The following ARHGAP6 variants were observed in gnomAD, a reference collection of about 807,000 sequenced individuals.
The protein encoded by ARHGAP6 is Rho GTPase activating protein 6, also known as rho GTPase-activating protein 6.
In ARHGAP6, 16 loss-of-function variants were observed where a neutral mutation model predicts 55.7. The observed-to-expected ratio is 0.29, with a 90% CI of 0.19 to 0.44. The LOEUF (loss-of-function observed/expected upper bound fraction) is 0.44. Among genes scored for constraint, ARHGAP6 ranks in the 20% least tolerant of loss-of-function variants. The pLI is 1.00. For synonymous variants in ARHGAP6, 382 were observed against 360.9 expected (o/e 1.06, Z -0.66); for missense variants, 698 against 808.9 (o/e 0.86, Z 1.66).
At chrX:11,141,908 G>A (rs2045624973) in intron 12 of ARHGAP6, among the ~76,000 whole-genome samples, 1 of 112,452 alleles carries the variant, frequency 8.9e-6, no homozygotes, top group South Asian at 3.7e-4. Context: ...GTATTGGTTT[G>A]TAAGCTATGA....
chrX:11,587,449 G>A (rs186139363), intron 1 of ARHGAP6, among the ~76,000 whole-genome samples: 1 of 111,892 alleles, frequency 8.9e-6, no homozygotes, highest in Admixed American at 9.5e-5. Context: ...ATCATCACAG[G>A]CATAGAGAGC....
At chrX:11,211,685 A>C (rs910455975) in intron 2 of ARHGAP6, among the ~76,000 whole-genome samples, 1 of 110,415 alleles carries the variant, frequency 9.1e-6, no homozygotes, top group African/African-American at 3.3e-5. Flanking sequence ...CTGGAACTAC[A>C]GGCACCCGCC....
rs2048714579 is a variant in ARHGAP6 at position 11,342,121 on chromosome X, G to A, written c.589-87414C>T. Among the ~76,000 whole-genome samples, 5 of 112,039 alleles carry A rather than the reference G, an allele frequency of 4.5e-5. No individual in the cohort carries two copies. The South Asian group carries it at 1.9e-3, about 41-fold the overall frequency. ...CTAAGTTCGCTCTGTTGCCATGCAC[G>A]CATAAGTAATGCCATAGCAACCTCT... On this transcript the variant is annotated intron_variant, in intron 1 of 12. Coordinates refer to ENST00000337414, the MANE Select transcript of ARHGAP6 (RefSeq NM_013427.3).
intron 1 of ARHGAP6, among the ~76,000 whole-genome samples, chrX:11,302,918 CT>C (rs1410049875): frequency 1.8e-5 from 2 of 112,035 alleles, no homozygotes; most frequent in Non-Finnish European, 3.8e-5. Flanking sequence ...AAAATACAGA[CT>C]TTTCTCTAAA....
In ARHGAP6 at chrX:11,525,873, C is replaced by T. The variant is rs769262157; in HGVS notation, c.588+138368G>A. 8.1e-5 allele frequency among the ~76,000 whole-genome samples: 9 copies of T among 111,144 alleles called. No homozygotes were observed. The South Asian group carries it at 3.1e-3, about 38-fold the overall frequency. On this transcript the variant is annotated intron_variant, in intron 1 of 12. Transcript: ENST00000337414. ...CATGTTGTTAGTAACCACATGGGCCCCTCCATGAAGAACTGATATTAACCA... is the reference window on the plus strand; with the variant it reads ...CATGTTGTTAGTAACCACATGGGCCTCTCCATGAAGAACTGATATTAACCA...
chrX:11,160,922 G>A (rs917730950), intron 9 of ARHGAP6, among the ~76,000 whole-genome samples: 1 of 112,264 alleles, frequency 8.9e-6, no homozygotes, highest in Non-Finnish European at 1.9e-5. Flanking sequence ...TGTATTACAG[G>A]AAGGCAAATA....
intron 1 of ARHGAP6, among the ~76,000 whole-genome samples, chrX:11,580,702 C>A (rs990954195): frequency 8.9e-6 from 1 of 112,051 alleles, no homozygotes; most frequent in Non-Finnish European, 1.9e-5. Context: ...TCTTTATTTT[C>A]AGACACTAAT....
intron 1 of ARHGAP6, chrX:11,367,741 C>T (rs1228156138): frequency 4.1e-6 from 3 of 730,912 alleles, no homozygotes; most frequent in East Asian, 3.1e-4. Context: ...TAATGAATCA[C>T]CCAGGAAGTT....
chrX:11,593,268 C>T (rs1161753998), intron 1 of ARHGAP6, among the ~76,000 whole-genome samples: 2 of 111,808 alleles, frequency 1.8e-5, no homozygotes, highest in Non-Finnish European at 3.8e-5. Flanking sequence ...AGAAATACGA[C>T]CTTTGGCTCT....
intron 8 of ARHGAP6, among the ~76,000 whole-genome samples, chrX:11,174,639 C>CTTTCTCTTTCT (rs1569241587): frequency 9.6e-5 from 6 of 62,330 alleles, no homozygotes; most frequent in African/African-American, 1.4e-4. Context: ...TTCTTTCTTT[C>CTTTCTCTTTCT]TTTCTTTCTT....
chrX:11,335,528 A>G (rs1292631368), intron 1 of ARHGAP6, among the ~76,000 whole-genome samples: 1 of 111,766 alleles, frequency 8.9e-6, no homozygotes, highest in East Asian at 2.8e-4. Flanking sequence ...AGCTTCATCC[A>G]TGTCCCTGCA....
rs1270224787 is a variant in ARHGAP6, at chrX:11,310,143, AGAGT to A, written c.589-55440_589-55437del. On this transcript the variant is annotated intron_variant, in intron 1 of 12. Transcript: ENST00000337414. ...GCCACTGCATTCCAACCTAAGTGAC[AGAGT>A]GAGACTCTATCTCAAAAAAAAAAAA... Among the ~76,000 whole-genome samples the A allele has an allele frequency of 4.5e-5, 4 of 89,716 alleles. No homozygotes were observed. In the East Asian group the frequency reaches 1.4e-3, roughly 31 times the overall value. The allele number at this position is 89,716 out of a possible 115,157, so 77.9% of individuals were successfully genotyped here. A position where few individuals can be genotyped will look rare whatever the true frequency, so the allele number is the denominator to read the frequency against.
chrX:11,540,631 C>T (rs1411899421), intron 1 of ARHGAP6, among the ~76,000 whole-genome samples: 4 of 111,995 alleles, frequency 3.6e-5, no homozygotes, highest in Non-Finnish European at 7.5e-5. Flanking sequence ...CCAGCAGCCA[C>T]CAGTGGCTTT....
intron 1 of ARHGAP6, among the ~76,000 whole-genome samples, chrX:11,389,293 T>C (rs2049372970): frequency 8.9e-6 from 1 of 112,344 alleles, no homozygotes; most frequent in African/African-American, 3.2e-5. Context: ...TCTCTATTGA[T>C]ACTCTCTACT....
At chrX:11,368,692 T>C (rs1304888601) in intron 1 of ARHGAP6, among the ~76,000 whole-genome samples, 1 of 112,132 alleles carries the variant, frequency 8.9e-6, no homozygotes, top group Non-Finnish European at 1.9e-5. Flanking sequence ...AATATTGCTG[T>C]TGTCAAGCTT....
In ARHGAP6 at chrX:11,178,785, G is replaced by T. The variant is rs182398555; in HGVS notation, c.1480+517C>A. Among the ~76,000 whole-genome samples, 4 of 112,071 alleles carry T rather than the reference G, an allele frequency of 3.6e-5. No individual in the cohort carries two copies. The Admixed American group carries it at 3.8e-4, about 11-fold the overall frequency. ...AGCATTGGAGGAAGAAATGTATGGA[G>T]GTTGACCCAGGTTTGGCCTATCTCT... On this transcript the variant is annotated intron_variant, in intron 7 of 12. Coordinates refer to ENST00000337414, the MANE Select transcript of ARHGAP6 (RefSeq NM_013427.3).
intron 1 of ARHGAP6, among the ~76,000 whole-genome samples, chrX:11,383,338 G>GT (rs1255858929): frequency 1.2e-4 from 13 of 111,440 alleles, no homozygotes; most frequent in African/African-American, 3.9e-4. Context: ...TCCTTTGATA[G>GT]TAAGAGTTTG....
rs1219103464 is a variant in ARHGAP6 at position 11,511,952 on chromosome X, GA to G, written c.588+152288del. Among the ~76,000 whole-genome samples, 4 of 110,816 alleles carry G rather than the reference GA, an allele frequency of 3.6e-5. No homozygotes were observed. The South Asian group carries it at 1.2e-3, about 33-fold the overall frequency. ...CACCATTCTCCTGCCTCAGCCTCCT[GA>G]GTAGCTGGGACTACAGGTGCCTGCC... On this transcript the variant is annotated intron_variant, in intron 1 of 12. Coordinates refer to ENST00000337414, the MANE Select transcript of ARHGAP6 (RefSeq NM_013427.3).
intron 1 of ARHGAP6, among the ~76,000 whole-genome samples, chrX:11,597,347 G>A (rs1034094543): frequency 6.3e-5 from 7 of 111,624 alleles, no homozygotes; most frequent in Admixed American, 3.8e-4. Context: ...AAAAAAATAT[G>A]GCACAGCTAG....
Sources: gnomAD v4.1 joint callset for allele counts (sites outside exome capture counted in the v4.1 genomes callset) on GRCh38, gnomAD v4.1.1 for gene constraint, MANE v1.5 for transcripts, NCBI Gene and HGNC (gene_info 2026-07-23, HGNC 2026-07-21) for gene names.